GCSAM: variants seen among roughly 807,000 people sequenced by gnomAD.
GCSAM encodes germinal center-associated signaling and motility protein.
GCSAM carries 8 observed loss-of-function variants against 17.6 expected under a neutral mutation model. The observed-to-expected ratio is 0.46, with a 90% confidence interval of 0.27 to 0.82. The LOEUF is 0.82. Ranked by LOEUF, GCSAM falls within the 40% of genes least tolerant of loss-of-function variation. The pLI is 0.15. For missense variants in GCSAM, 192 were observed against 213.5 expected, an observed-to-expected ratio of 0.90 and a Z score of 0.63; for synonymous variants, 68 against 69.0, an observed-to-expected ratio of 0.98 and a Z score of 0.07.
Position 112,125,377 on chromosome 3 carries a change from C to T in GCSAM, c.191-123G>A, listed in dbSNP as rs956386791. The T allele has an allele frequency of 1.2e-5, 8 of 689,416 alleles. No individual in the cohort carries two copies. In the Middle Eastern group the frequency reaches 7.9e-4, roughly 68 times the overall value. The allele number at this position is 689,416 out of a possible 1,614,324, so 42.7% of individuals were successfully genotyped here. A position where few individuals can be genotyped will look rare whatever the true frequency, so the allele number is the denominator to read the frequency against. ...AACAGCTGGGGTAGCTCTTCTCAGG[C>T]TATTCTGATCTACAGCACATCCCTG... On this transcript the variant is annotated intron_variant, in intron 4 of 5. Transcript: ENST00000308910.
chr3:112,123,840 A>T, intron 5 of GCSAM, 68 bp from the exon 6 acceptor site: 1 of 1,516,866 alleles, frequency 6.6e-7, no homozygotes, highest in Non-Finnish European at 8.9e-7. Flanking sequence ...TTCAGTCTCA[A>T]CACAGGCTTG....
chr3:112,129,204 A>G (rs1158516516), intron 2 of GCSAM: 2 of 152,218 alleles, frequency 1.3e-5, no homozygotes, highest in Non-Finnish European at 2.9e-5. Flanking sequence ...GAATCACACC[A>G]AGTTAACAAA....
intron 2 of GCSAM, chr3:112,129,581 A>G (rs1341059800): frequency 1.3e-5 from 2 of 151,920 alleles, no homozygotes; most frequent in South Asian, 2.1e-4. Context: ...GGTCTACCCA[A>G]CCTCTCCCTT....
At chr3:112,127,341 G>A (rs1299106558) in intron 3 of GCSAM, among the ~76,000 whole-genome samples, 1 of 152,078 alleles carries the variant, frequency 6.6e-6, no homozygotes, top group African/African-American at 2.4e-5. Flanking sequence ...TTCTGACAAA[G>A]TATCAATTTC....
At chr3:112,130,033 C>T (rs1213791785) in intron 2 of GCSAM, 2 of 173,538 alleles carry the variant, frequency 1.2e-5, no homozygotes, top group African/African-American at 2.4e-5. Context: ...GGTGTCTCCA[C>T]AAACTTTCTA....
chr3:112,130,923 C>G (rs900311972), intron 1 of GCSAM: 1 of 172,946 alleles, frequency 5.8e-6, no homozygotes. Context: ...GTGTAAATCA[C>G]ACCATCTTTC....
chr3:112,130,415 TG>T (rs764224574), intron 2 of GCSAM, 29 bp downstream of exon 2: 4 of 1,590,542 alleles, frequency 2.5e-6, no homozygotes, highest in Non-Finnish European at 3.5e-6. Context: ...GGGCAAGGTC[TG>T]GGGGGTGTTT....
intron 5 of GCSAM, among the ~76,000 whole-genome samples, chr3:112,124,081 G>A (rs1005884678): frequency 6.6e-6 from 1 of 152,194 alleles, no homozygotes; most frequent in Admixed American, 6.5e-5. Context: ...TCCCATTGTT[G>A]GAGGTGGTGC....
Position 112,121,676 on chromosome 3 carries a change from T to C in GCSAM, c.*1779A>G, listed in dbSNP as rs1359547080. On this transcript the variant is annotated 3_prime_UTR_variant, in exon 6 of 6. Transcript: ENST00000308910. ...TCAGCTAGAGTTCCAAGTGAAAGAA[T>C]TTTGCTAAAAGTAGGAAGTTAGCAG... 2 of 152,184 alleles carry C rather than the reference T, an allele frequency of 1.3e-5. No homozygotes were observed. Among genetic ancestry groups the C allele is most frequent in the Non-Finnish European group, 2.9e-5 (2 of 68,038 alleles). 9.4% of individuals were successfully genotyped at this position (152,184 alleles called of 1,614,324 possible).
intron 1 of GCSAM, 58 bp downstream of exon 1, chr3:112,133,034 C>G: frequency 3.9e-6 from 6 of 1,553,742 alleles, no homozygotes; most frequent in Non-Finnish European, 5.3e-6. Flanking sequence ...TTTTTCTCTT[C>G]CTTGCTGTAT....
intron 2 of GCSAM, chr3:112,128,345 GTAA>G: frequency 1.7e-6 from 1 of 583,684 alleles, no homozygotes; most frequent in East Asian, 3.4e-5. Flanking sequence ...TGGTTCCCTT[GTAA>G]TGAAGAACAC....
chr3:112,128,156 T>C (rs766516597), intron 2 of GCSAM, 95 bp from the exon 3 acceptor site: 1 of 1,072,990 alleles, frequency 9.3e-7, no homozygotes, highest in African/African-American at 1.6e-5. Flanking sequence ...TGGAAAACTT[T>C]TTTTCTCCCC....
chr3:112,126,545 G>A (rs2074323422), intron 4 of GCSAM, among the ~76,000 whole-genome samples: 2 of 152,178 alleles, frequency 1.3e-5, no homozygotes. Context: ...GAACCTGGGT[G>A]ATATCTTTAA....
At chr3:112,130,015 A>T (rs184432011) in intron 2 of GCSAM, 2 of 165,830 alleles carry the variant, frequency 1.2e-5, no homozygotes, top group Admixed American at 1.1e-4. Context: ...CATCAGGGCA[A>T]TCACAATGGT....
At chr3:112,125,317 G>T in intron 4 of GCSAM, 63 bp from the exon 5 acceptor site, 1 of 1,127,354 alleles carries the variant, frequency 8.9e-7, no homozygotes, top group Non-Finnish European at 1.4e-6. Context: ...GGAAGAGCAG[G>T]GGAGGCTAGA....
At chr3:112,132,326 G>T (rs2074476250) in intron 1 of GCSAM, among the ~76,000 whole-genome samples, 1 of 152,074 alleles carries the variant, frequency 6.6e-6, no homozygotes, top group African/African-American at 2.4e-5. Flanking sequence ...ATAACCCTGT[G>T]AAGACCCCCT....
Position 112,128,005 on chromosome 3 carries a change from C to T in GCSAM, c.143+12G>A, listed in dbSNP as rs910497938. ...TTAGGGAAATAACTCCTAAAAACAA[C>T]TGTCCACTCACCATGGAAGGCAGAA... On this transcript the variant is annotated intron_variant, in intron 3 of 5. Transcript: ENST00000308910. The T allele has an allele frequency of 1.9e-6, 3 of 1,611,776 alleles. No homozygotes were observed. The highest frequency in any genetic ancestry group is 1.3e-5 in the African/African-American group (1 of 74,988).
At chr3:112,129,124 T>A (rs1553770539) in intron 2 of GCSAM, 1 of 152,180 alleles carries the variant, frequency 6.6e-6, no homozygotes, top group Non-Finnish European at 1.5e-5. Context: ...TAGGTTACCT[T>A]CAATGTGCTT....
intron 2 of GCSAM, chr3:112,128,451 A>G (rs967670933): frequency 2.8e-6 from 1 of 352,908 alleles, no homozygotes; most frequent in East Asian, 7.1e-5. Flanking sequence ...TCAGTATTTT[A>G]CTATATTCTG....
Sources: allele counts gnomAD v4.1 joint callset (sites outside exome capture counted in the v4.1 genomes callset), GRCh38; gene constraint gnomAD v4.1.1; transcripts MANE v1.5; gene names NCBI Gene and HGNC (gene_info 2026-07-23, HGNC 2026-07-21).